The following PHACTR2 variants were observed in gnomAD, a reference collection of about 807,000 sequenced individuals.
The protein encoded by PHACTR2 is chromosome 6 open reading frame 56.
In PHACTR2, 30 loss-of-function variants were observed where a neutral mutation model predicts 76.0. The observed-to-expected ratio is 0.39, with a 90% confidence interval of 0.30 to 0.54. PHACTR2 has a LOEUF of 0.54. Ranked by LOEUF, PHACTR2 falls within the 20% of genes least tolerant of loss-of-function variation. The pLI, the probability that PHACTR2 is intolerant of heterozygous loss-of-function variation, is 0.61. For missense variants in PHACTR2, 696 were observed against 781.1 expected (o/e 0.89, Z 1.30); for synonymous variants, 292 against 292.5 (o/e 1.00, Z 0.02).
rs1778995033 is a variant in PHACTR2, at chr6:143,743,768, C to A, written c.215-5217C>A. Among the ~76,000 whole-genome samples the A allele has an allele frequency of 6.6e-6, 1 of 152,206 alleles. No individual in the cohort carries two copies. Among genetic ancestry groups the A allele is most frequent in the African/African-American group, 2.4e-5 (1 of 41,454 alleles). On this transcript the variant is annotated intron_variant, in intron 2 of 12. Coordinates refer to ENST00000440869, the MANE Select transcript of PHACTR2 (RefSeq NM_001100164.2). The surrounding 1 kb of genome is among the most constrained non-coding windows in gnomAD (Gnocchi z 5.0). ...TCAGTACTCAGAACTGAGAAGATAGCATGGCACGCTTATTTAATAGTCTTC... is the reference window on the plus strand; with the variant it reads ...TCAGTACTCAGAACTGAGAAGATAGAATGGCACGCTTATTTAATAGTCTTC...
intron 1 of PHACTR2, among the ~76,000 whole-genome samples, chr6:143,573,298 T>C (rs188622478): frequency 3.4e-4 from 52 of 152,326 alleles, no homozygotes; most frequent in African/African-American, 1.2e-3. Flanking sequence ...CAGTCATCAA[T>C]GGCTGCGTGC....
rs774529334 is a variant in PHACTR2 at position 143,608,309 on chromosome 6, C to T, written c.-1C>T. 2 of 1,614,148 alleles carry T rather than the reference C, an allele frequency of 1.2e-6. No homozygotes were observed. Among genetic ancestry groups the T allele is most frequent in the South Asian group, 2.2e-5 (2 of 91,078 alleles). ...AGAACTCGCCTCGCCACTCCTGAGA[C>T]ATGGACAACGCCGGTGGGTAAATCA... On this transcript the variant is annotated 5_prime_UTR_variant, in exon 1 of 12. Coordinates refer to the PHACTR2 transcript ENST00000305766. The surrounding 1 kb of genome is among the most constrained non-coding windows in gnomAD (Gnocchi z 4.6).
intron 1 of PHACTR2, among the ~76,000 whole-genome samples, chr6:143,686,080 C>T (rs1430831859): frequency 6.8e-6 from 1 of 146,776 alleles, no homozygotes; most frequent in Non-Finnish European, 1.5e-5. Context: ...TGTAGTGAGC[C>T]AAGATTGCAC....
At chr6:143,814,778 A>T (rs1357995618) in intron 12 of PHACTR2, among the ~76,000 whole-genome samples, 1 of 151,572 alleles carries the variant, frequency 6.6e-6, no homozygotes, top group African/African-American at 2.4e-5. Context: ...AATTTTTTGT[A>T]TTTTTAGTAG....
intron 12 of PHACTR2, among the ~76,000 whole-genome samples, chr6:143,808,062 G>C (rs981196042): frequency 3.9e-5 from 6 of 152,080 alleles, no homozygotes; most frequent in African/African-American, 1.4e-4. Flanking sequence ...TTTCTTTCAG[G>C]GTTACAGTTG....
chr6:143,693,368 G>A (rs532276060), intron 1 of PHACTR2, among the ~76,000 whole-genome samples: 1 of 152,052 alleles, frequency 6.6e-6, no homozygotes, highest in Non-Finnish European at 1.5e-5. Context: ...CTCCCAAGTA[G>A]CTGGGACTAC....
In PHACTR2 at chr6:143,655,062, T is replaced by C. The variant is rs560196464; in HGVS notation, c.13+46740T>C. ...ATCCCAGCTACTTGGGAGGATGAGG[T>C]AGGAGAATTGCTTGAACCTGGGAGG... On this transcript the variant is annotated intron_variant, in intron 1 of 11. Coordinates refer to the PHACTR2 transcript ENST00000305766. Among the ~76,000 whole-genome samples the C allele has an allele frequency of 1.3e-4, 19 of 145,388 alleles. No individual in the cohort carries two copies. In the South Asian group the frequency reaches 2.3e-3, roughly 18 times the overall value.
At position 143,795,560 on chromosome 6, in the gene PHACTR2, G is replaced by A. The variant is rs563052699; in HGVS notation, c.1845+6650G>A. 8.5e-5 allele frequency among the ~76,000 whole-genome samples: 13 copies of A among 152,346 alleles called. 1 individual carries two copies. Among genetic ancestry groups the A allele is most frequent in the Admixed American group, 6.5e-4 (10 of 15,302 alleles). Reference sequence around the variant, plus strand: ...CGAGCTGGCCCTTCAGTGGCAGAGAGGTGAGGTCAGAGAAGGCCATTGAAT... The same window carrying A: ...CGAGCTGGCCCTTCAGTGGCAGAGAAGTGAGGTCAGAGAAGGCCATTGAAT... On this transcript the variant is annotated intron_variant, in intron 11 of 12. Transcript: ENST00000440869. The surrounding 1 kb of genome is among the most constrained non-coding windows in gnomAD (Gnocchi z 4.8).
At chr6:143,701,970 A>G (rs2051009) in intron 1 of PHACTR2, among the ~76,000 whole-genome samples, 27,955 of 151,976 alleles carry the variant, frequency 0.18, 2,874 homozygotes, top group Middle Eastern at 0.28. Context: ...AAAAATTGGG[A>G]TCCTAGCACA....
rs933915412 is a variant in PHACTR2 at position 143,809,152 on chromosome 6, T to G, written c.1922+2019T>G. Among the ~76,000 whole-genome samples the G allele has an allele frequency of 1.3e-5, 2 of 152,206 alleles. No individual in the cohort carries two copies. Among genetic ancestry groups the G allele is most frequent in the African/African-American group, 2.4e-5 (1 of 41,448 alleles). On this transcript the variant is annotated intron_variant, in intron 12 of 12. Coordinates refer to ENST00000440869, the MANE Select transcript of PHACTR2 (RefSeq NM_001100164.2). This position sits in a 1 kb window ranked among gnomAD's most constrained non-coding sequence, Gnocchi z 4.2. Reference sequence around the variant, plus strand: ...GAGTATCTGATAGCCTTATCTTCATTTGATAGCATGATATAAAGAACAAAT... The same window carrying G: ...GAGTATCTGATAGCCTTATCTTCATGTGATAGCATGATATAAAGAACAAAT...
chr6:143,635,769 A>G (rs1573054), intron 1 of PHACTR2, among the ~76,000 whole-genome samples: 63,999 of 152,082 alleles, frequency 0.42, 13,887 homozygotes, highest in Non-Finnish European at 0.48. Flanking sequence ...TATTAGGGAT[A>G]TTATGCCTTT....
Position 143,708,744 on chromosome 6 carries a change from A to G in PHACTR2, c.47-3272A>G, listed in dbSNP as rs911570186. Among the ~76,000 whole-genome samples the G allele has an allele frequency of 4.6e-5, 7 of 152,248 alleles. No homozygotes were observed. The highest frequency in any genetic ancestry group is 3.9e-4 in the Admixed American group (6 of 15,284). ...TGATTTAAGAGAAGTACAATGGCAC[A>G]TCGGCCAACTGTGCCAACATATGGT... is the stretch of plus-strand genomic sequence containing the variant. On this transcript the variant is annotated intron_variant, in intron 1 of 12. Coordinates refer to ENST00000440869, the MANE Select transcript of PHACTR2 (RefSeq NM_001100164.2). This position sits in a 1 kb window ranked among gnomAD's most constrained non-coding sequence, Gnocchi z 5.5.
Position 143,611,156 on chromosome 6 carries a change from T to TA in PHACTR2, c.13+2845dup, listed in dbSNP as rs112726774. ...CATATTCTACAGTGCAGAGTACTGT[T>TA]AAAAAAAAAAAGTTCTGCAGAATTT... On this transcript the variant is annotated intron_variant, in intron 1 of 11. Coordinates refer to the PHACTR2 transcript ENST00000305766. The surrounding 1 kb of genome is among the most constrained non-coding windows in gnomAD (Gnocchi z 4.4). Among the ~76,000 whole-genome samples the TA allele has an allele frequency of 0.17, 24,791 of 148,372 alleles. 2,698 individuals are homozygous for TA. Among genetic ancestry groups the TA allele is most frequent in the African/African-American group, 0.32 (13,165 of 40,600 alleles).
chr6:143,820,080 C>T lies in PHACTR2; in HGVS notation c.1923-3594C>T, dbSNP rs1443122437. ...TTTTAAACCAGACCTCGTGAGAAGT[C>T]ACTCACCATCACAAAGACAGTACCA... is the stretch of plus-strand genomic sequence containing the variant. On this transcript the variant is annotated intron_variant, in intron 12 of 12. Transcript: ENST00000440869. This position sits in a 1 kb window ranked among gnomAD's most constrained non-coding sequence, Gnocchi z 4.2. 2.0e-5 allele frequency among the ~76,000 whole-genome samples: 3 copies of T among 152,074 alleles called. No homozygotes were observed. The highest frequency in any genetic ancestry group is 7.2e-5 in the African/African-American group (3 of 41,396).
rs771448706 is a variant in PHACTR2, at chr6:143,754,342, C to T, written c.454+430C>T. On this transcript the variant is annotated intron_variant, in intron 4 of 12. Coordinates refer to ENST00000440869, the MANE Select transcript of PHACTR2 (RefSeq NM_001100164.2). This position sits in a 1 kb window ranked among gnomAD's most constrained non-coding sequence, Gnocchi z 6.2. ...CCCACATGGCTTGTTCAGCCCAGCACTGTCTCCAGCAGTGGGAACTTGGCA... is the reference window on the plus strand; with the variant it reads ...CCCACATGGCTTGTTCAGCCCAGCATTGTCTCCAGCAGTGGGAACTTGGCA... Among the ~76,000 whole-genome samples, 5 of 152,218 alleles carry T rather than the reference C, an allele frequency of 3.3e-5. No individual in the cohort carries two copies. Among genetic ancestry groups the T allele is most frequent in the Non-Finnish European group, 7.3e-5 (5 of 68,054 alleles).
intron 2 of PHACTR2, among the ~76,000 whole-genome samples, chr6:143,716,029 T>A (rs958365911): frequency 6.6e-6 from 1 of 151,930 alleles, no homozygotes; most frequent in Admixed American, 6.6e-5. Context: ...CAGGAAGAGG[T>A]AGGGTTCTAG....
rs1241297426 is a variant in PHACTR2 at position 143,809,417 on chromosome 6, C to T, written c.1922+2284C>T. On this transcript the variant is annotated intron_variant, in intron 12 of 12. Coordinates refer to ENST00000440869, the MANE Select transcript of PHACTR2 (RefSeq NM_001100164.2). The surrounding 1 kb of genome is among the most constrained non-coding windows in gnomAD (Gnocchi z 4.2). ...GTAGAGATGAGGTCTTGCTATGTTG[C>T]CCAGGCTGGTCTTGAAGTCCTGAGC... is the stretch of plus-strand genomic sequence containing the variant. Among the ~76,000 whole-genome samples, 2 of 151,776 alleles carry T rather than the reference C, an allele frequency of 1.3e-5. No homozygotes were observed. The highest frequency in any genetic ancestry group is 2.9e-5 in the Non-Finnish European group (2 of 67,958).
chr6:143,684,912 A>G lies in PHACTR2; in HGVS notation c.46+6703A>G, dbSNP rs1384522541. On this transcript the variant is annotated intron_variant, in intron 1 of 12. Coordinates refer to ENST00000440869, the MANE Select transcript of PHACTR2 (RefSeq NM_001100164.2). This position sits in a 1 kb window ranked among gnomAD's most constrained non-coding sequence, Gnocchi z 4.3. ...TAAAAAATGGCATCTTATTTTGATTATGAGTGATGTAGGACATTTATATTT... is the reference window on the plus strand; with the variant it reads ...TAAAAAATGGCATCTTATTTTGATTGTGAGTGATGTAGGACATTTATATTT... 6.6e-6 allele frequency among the ~76,000 whole-genome samples: 1 copy of G among 152,230 alleles called. No individual in the cohort carries two copies. The highest frequency in any genetic ancestry group is 1.5e-5 in the Non-Finnish European group (1 of 68,042).
chr6:143,687,261 A>G (rs2128455069), intron 1 of PHACTR2, among the ~76,000 whole-genome samples: 1 of 152,284 alleles, frequency 6.6e-6, no homozygotes, highest in South Asian at 2.1e-4. Flanking sequence ...CAGTCTGAAA[A>G]CATAATGACT....
Sources: gnomAD v4.1 joint callset for allele counts (sites outside exome capture counted in the v4.1 genomes callset) on GRCh38, gnomAD v4.1.1 for gene constraint, Gnocchi (gnomAD v3.1) non-coding constraint, MANE v1.5 for transcripts, NCBI Gene and HGNC (gene_info 2026-07-23, HGNC 2026-07-21) for gene names.